GFPT1: variants seen among roughly 807,000 people sequenced by gnomAD.
GFPT1 encodes the protein glutamine--fructose-6-phosphate transaminase 1.
In GFPT1, 40 loss-of-function variants were observed where a neutral mutation model predicts 92.0. The observed-to-expected ratio is 0.43, with a 90% CI of 0.34 to 0.57. The LOEUF (loss-of-function observed/expected upper bound fraction) is 0.57, where lower values mean the gene tolerates loss of function less well. GFPT1 is among the 20% of genes least tolerant of loss of function. The pLI, the probability that GFPT1 is intolerant of heterozygous loss-of-function variation, is 0.02. For missense variants in GFPT1, 448 were observed against 869.1 expected, an observed-to-expected ratio of 0.52 and a Z score of 6.09; for synonymous variants, 269 against 280.6, an observed-to-expected ratio of 0.96 and a Z score of 0.41.
At chr2:69,378,162 G>A (rs1671923972) in intron 1 of GFPT1, among the ~76,000 whole-genome samples, 3 of 152,112 alleles carry the variant, frequency 2.0e-5, no homozygotes, top group African/African-American at 7.2e-5. Context: ...CCGCCGCCAT[G>A]CCCGGCTAAT....
intron 3 of GFPT1, among the ~76,000 whole-genome samples, chr2:69,367,218 TTG>T (rs1300927215): frequency 3.9e-5 from 6 of 152,242 alleles, no homozygotes; most frequent in Non-Finnish European, 7.3e-5. Flanking sequence ...TAGTACCGTT[TTG>T]TGTTTTTAAA....
chr2:69,381,053 C>T (rs1056991667), intron 1 of GFPT1, among the ~76,000 whole-genome samples: 2 of 151,958 alleles, frequency 1.3e-5, no homozygotes, highest in African/African-American at 2.4e-5. Context: ...TATCTCAGCT[C>T]ACTGCAACCT....
In GFPT1 at chr2:69,356,598, T is replaced by C. The variant is rs770840090; in HGVS notation, c.544-41A>G. On this transcript the variant is annotated intron_variant, in intron 6 of 19. Transcript: ENST00000357308. ...AATCCATTAGCACTATTTAATCAAT[T>C]ATCAAGTCAGAAATGCCTAGAACAT... 4 of 1,444,124 alleles carry C rather than the reference T, an allele frequency of 2.8e-6. No individual in the cohort carries two copies. In the African/African-American group the frequency reaches 5.6e-5, roughly 20 times the overall value. The allele number at this position is 1,444,124 out of a possible 1,614,324, so 89.5% of individuals were successfully genotyped here.
At position 69,324,264 on chromosome 2, in the gene GFPT1, T is replaced by C. The variant is rs191689660; in HGVS notation, c.*1925A>G. On this transcript the variant is annotated 3_prime_UTR_variant, in exon 20 of 20. Coordinates refer to ENST00000357308, the MANE Select transcript of GFPT1 (RefSeq NM_001244710.2). ...CACACACAGAGGGAGACAGAGATTA[T>C]GCAGACTAATGACTGACTTCACATA... 2.0e-4 allele frequency: 30 copies of C among 152,336 alleles called. No individual in the cohort carries two copies. Among genetic ancestry groups the C allele is most frequent in the African/African-American group, 6.5e-4 (27 of 41,582 alleles). 9.4% of individuals were successfully genotyped at this position (152,336 alleles called of 1,614,324 possible).
At chr2:69,338,405 A>C (rs1670855731) in intron 14 of GFPT1, 40 bp downstream of exon 14, 2 of 1,553,842 alleles carry the variant, frequency 1.3e-6, no homozygotes, top group African/African-American at 2.7e-5. Flanking sequence ...TATTAGAAAG[A>C]ATAACTTTCC....
chr2:69,385,428 T>A (rs2104708156), intron 1 of GFPT1, among the ~76,000 whole-genome samples: 1 of 152,062 alleles, frequency 6.6e-6, no homozygotes, highest in Middle Eastern at 3.4e-3. Context: ...TTTCACCACG[T>A]TGGCCAGGCT....
chr2:69,344,989 T>C (rs950115019), intron 12 of GFPT1, among the ~76,000 whole-genome samples: 4 of 152,102 alleles, frequency 2.6e-5, no homozygotes, highest in Admixed American at 6.5e-5. Context: ...TCTTCCCTTA[T>C]AAAACAAATC....
rs368869436 is a variant in GFPT1, at chr2:69,348,338, T to G, written c.846-4A>C. On this transcript the variant is annotated splice_region_variant and splice_polypyrimidine_tract_variant and intron_variant, in intron 10 of 19. Coordinates refer to ENST00000357308, the MANE Select transcript of GFPT1 (RefSeq NM_001244710.2). The stretch of plus-strand genomic sequence containing the variant: ...ATTGGTGTGTTCTATGACAGCACTA[T>G]AAAGTTTTCAAGGAGATATTACAAT... 1 of 1,607,582 alleles carries G rather than the reference T, an allele frequency of 6.2e-7. No individual in the cohort carries two copies.
At chr2:69,361,814 T>C (rs1671478700) in intron 4 of GFPT1, among the ~76,000 whole-genome samples, 1 of 152,036 alleles carries the variant, frequency 6.6e-6, no homozygotes, top group African/African-American at 2.4e-5. Context: ...CCCCTATCTC[T>C]ACAAAAATAA....
At chr2:69,356,948 G>C (rs942880963) in intron 6 of GFPT1, among the ~76,000 whole-genome samples, 1 of 152,076 alleles carries the variant, frequency 6.6e-6, no homozygotes, top group African/African-American at 2.4e-5. Flanking sequence ...GGCCAGGATG[G>C]TCTCCATCTC....
chr2:69,355,871 A>C (rs1574067741), intron 7 of GFPT1, among the ~76,000 whole-genome samples: 1 of 152,166 alleles, frequency 6.6e-6, no homozygotes, highest in African/African-American at 2.4e-5. Flanking sequence ...AATACAGAAA[A>C]AGCTAATATT....
chr2:69,344,630 T>C (rs1433617955), intron 12 of GFPT1, among the ~76,000 whole-genome samples: 1 of 151,990 alleles, frequency 6.6e-6, no homozygotes, highest in African/African-American at 2.4e-5. Flanking sequence ...TTTATGTACA[T>C]AATACAGATA....
intron 1 of GFPT1, among the ~76,000 whole-genome samples, chr2:69,376,684 ACATC>A (rs1260673006): frequency 6.6e-6 from 1 of 152,204 alleles, no homozygotes; most frequent in Non-Finnish European, 1.5e-5. Flanking sequence ...AATTCTAAGC[ACATC>A]CAGAAAAACT....
At chr2:69,357,732 T>C (rs1368352047) in intron 6 of GFPT1, among the ~76,000 whole-genome samples, 1 of 152,206 alleles carries the variant, frequency 6.6e-6, no homozygotes, top group Non-Finnish European at 1.5e-5. Flanking sequence ...TGGACATTTG[T>C]AGATCTTTGA....
chr2:69,350,369 T>A (rs1443568368), intron 9 of GFPT1, among the ~76,000 whole-genome samples, 186 bp from the exon 10 acceptor site: 1 of 152,138 alleles, frequency 6.6e-6, no homozygotes, highest in Non-Finnish European at 1.5e-5. Flanking sequence ...ACAAAAAGTG[T>A]ACAGTGAAGT....
Position 69,364,744 on chromosome 2 carries a change from C to G in GFPT1, c.224-1074G>C, listed in dbSNP as rs149472055. Among the ~76,000 whole-genome samples, 126 of 152,300 alleles carry G rather than the reference C, an allele frequency of 8.3e-4. 1 individual carries two copies. In the East Asian group the frequency reaches 0.011, roughly 13 times the overall value. ...AGATGTGGTGGCTCATGCCTGTAATCCCAGCACTTCGGGAGGCAGAGGCGG... is the reference window on the plus strand; with the variant it reads ...AGATGTGGTGGCTCATGCCTGTAATGCCAGCACTTCGGGAGGCAGAGGCGG... On this transcript the variant is annotated intron_variant, in intron 3 of 19. Transcript: ENST00000357308.
At chr2:69,360,923 C>T (rs13393162) in intron 4 of GFPT1, among the ~76,000 whole-genome samples, 56,071 of 151,472 alleles carry the variant, frequency 0.37, 10,768 homozygotes, top group Middle Eastern at 0.45. Flanking sequence ...TTAATAGAGA[C>T]GGGGTTTTGC....
In GFPT1 at chr2:69,326,833, G is replaced by T. The variant is rs1163585383; in HGVS notation, c.2055+81C>A. On this transcript the variant is annotated intron_variant, in intron 19 of 19. Coordinates refer to ENST00000357308, the MANE Select transcript of GFPT1 (RefSeq NM_001244710.2). ...TTTGATAGATTTCTCAAACACTATT[G>T]TTAAAAATTTAGGAGAAAAAAATCA... 9 of 1,342,286 alleles carry T rather than the reference G, an allele frequency of 6.7e-6. No individual in the cohort carries two copies. In the Admixed American group the frequency reaches 1.2e-4, roughly 18 times the overall value. The allele number at this position is 1,342,286 out of a possible 1,614,324, so 83.1% of individuals were successfully genotyped here.
chr2:69,377,854 G>A (rs1671915653), intron 1 of GFPT1, among the ~76,000 whole-genome samples: 1 of 152,148 alleles, frequency 6.6e-6, no homozygotes, highest in African/African-American at 2.4e-5. Context: ...TAATCTTGGG[G>A]TGCCCGAGAC....
Sources: allele counts gnomAD v4.1 joint callset (sites outside exome capture counted in the v4.1 genomes callset), GRCh38; gene constraint gnomAD v4.1.1; transcripts MANE v1.5; gene names NCBI Gene and HGNC (gene_info 2026-07-23, HGNC 2026-07-21).